Variants in SORCS3 observed in about 807,000 individuals in gnomAD.
SORCS3 encodes sortilin related VPS10 domain containing receptor 3.
In SORCS3, 57 loss-of-function variants were observed where a neutral mutation model predicts 146.3. That is an observed-to-expected ratio of 0.39 (90% CI 0.31 to 0.49). SORCS3 has a LOEUF of 0.49. SORCS3 is among the 20% of genes least tolerant of loss of function. The probability of loss-of-function intolerance (pLI) is 0.92; values close to 1 mark genes in which losing one functional copy is unlikely to be tolerated. For missense variants in SORCS3, 1,341 were observed against 1,575.5 expected (o/e 0.85, Z 2.52); for synonymous variants, 653 against 618.5 (o/e 1.06, Z -0.83).
At chr10:105,072,378 A>G (rs773092489) in intron 5 of SORCS3, among the ~76,000 whole-genome samples, 1 of 152,210 alleles carries the variant, frequency 6.6e-6, no homozygotes, top group Non-Finnish European at 1.5e-5. Context: ...CAGACTAGGC[A>G]GAATGACTCC....
chr10:105,142,940 A>T (rs1238949109), intron 8 of SORCS3, among the ~76,000 whole-genome samples: 1 of 152,120 alleles, frequency 6.6e-6, no homozygotes, highest in African/African-American at 2.4e-5. Context: ...TTGTTTCCTT[A>T]GTTTTTACAT....
Position 104,884,661 on chromosome 10 carries a change from G to A in SORCS3, c.696-31172G>A, listed in dbSNP as rs140955451. Among the ~76,000 whole-genome samples the A allele has an allele frequency of 3.3e-3, 506 of 152,116 alleles. 2 individuals carry two copies. The highest frequency in any genetic ancestry group is 0.018 in the South Asian group (87 of 4,820). ...AGGTTCCATTGGGTATAGGAAGGAG[G>A]TGACCTTTTTGAGAGGTAATTTGGG... On this transcript the variant is annotated intron_variant, in intron 2 of 26. Coordinates refer to ENST00000369701, the MANE Select transcript of SORCS3 (RefSeq NM_014978.3).
intron 1 of SORCS3, among the ~76,000 whole-genome samples, chr10:104,839,411 G>A (rs2018111793): frequency 6.6e-6 from 1 of 152,160 alleles, no homozygotes; most frequent in South Asian, 2.1e-4. Flanking sequence ...GAAAGGATGG[G>A]GCACAGGCAG....
chr10:104,863,844 G>A (rs562338769), intron 2 of SORCS3, among the ~76,000 whole-genome samples: 5 of 152,266 alleles, frequency 3.3e-5, no homozygotes, highest in African/African-American at 1.2e-4. Flanking sequence ...TTTGGAGTGA[G>A]GGCATGTGCT....
At chr10:105,081,981 G>C (rs939163973) in intron 5 of SORCS3, among the ~76,000 whole-genome samples, 1 of 152,116 alleles carries the variant, frequency 6.6e-6, no homozygotes, top group African/African-American at 2.4e-5. Flanking sequence ...TGCTTATGAA[G>C]TTTATCTAAC....
chr10:104,680,710 C>CAA (rs1413577521), intron 1 of SORCS3, among the ~76,000 whole-genome samples: 16 of 152,254 alleles, frequency 1.1e-4, no homozygotes, highest in African/African-American at 3.6e-4. Context: ...TGCCAAAATG[C>CAA]TGACACGCGT....
intron 4 of SORCS3, among the ~76,000 whole-genome samples, chr10:105,021,156 G>A (rs534508413): frequency 3.9e-5 from 6 of 152,278 alleles, no homozygotes; most frequent in Admixed American, 3.9e-4. Context: ...CTGAGGCTGG[G>A]TATTTTATTA....
At chr10:104,841,060 G>A (rs1020785785) in intron 1 of SORCS3, among the ~76,000 whole-genome samples, 2 of 152,188 alleles carry the variant, frequency 1.3e-5, no homozygotes, top group Non-Finnish European at 2.9e-5. Context: ...GTGTGTGTGT[G>A]TATGTGTGTG....
intron 3 of SORCS3, among the ~76,000 whole-genome samples, chr10:104,946,220 T>G (rs1485876070): frequency 2.0e-4 from 31 of 151,906 alleles, no homozygotes; most frequent in East Asian, 1.9e-4. Context: ...GTAAGGCTGT[T>G]TAAGACACCT....
intron 4 of SORCS3, among the ~76,000 whole-genome samples, chr10:105,038,567 G>A (rs2055320138): frequency 6.6e-6 from 1 of 152,016 alleles, no homozygotes; most frequent in Non-Finnish European, 1.5e-5. Flanking sequence ...AATAAAATGT[G>A]GGCTTAAGTT....
intron 4 of SORCS3, among the ~76,000 whole-genome samples, chr10:105,040,335 A>G (rs1363075975): frequency 1.3e-5 from 2 of 152,164 alleles, no homozygotes; most frequent in Admixed American, 1.3e-4. Context: ...AGATGGAAGG[A>G]CAGACAGACA....
At chr10:105,046,074 A>G (rs547490876) in intron 5 of SORCS3, among the ~76,000 whole-genome samples, 2 of 152,280 alleles carry the variant, frequency 1.3e-5, no homozygotes, top group African/African-American at 4.8e-5. Context: ...AATAACATGC[A>G]TGAAAATGAT....
intron 20 of SORCS3, among the ~76,000 whole-genome samples, chr10:105,232,709 T>A (rs1306923545): frequency 6.6e-6 from 1 of 151,834 alleles, no homozygotes; most frequent in Non-Finnish European, 1.5e-5. Flanking sequence ...ATCCCACAAA[T>A]GTTAGATTTG....
chr10:105,182,389 C>A (rs2056448672), intron 14 of SORCS3, among the ~76,000 whole-genome samples: 1 of 151,682 alleles, frequency 6.6e-6, no homozygotes, highest in Non-Finnish European at 1.5e-5. Flanking sequence ...CATAAAGAGG[C>A]AAAATAAGAG....
At chr10:105,254,370 C>A (rs1032418383) in intron 23 of SORCS3, among the ~76,000 whole-genome samples, 5 of 152,206 alleles carry the variant, frequency 3.3e-5, no homozygotes, top group African/African-American at 4.8e-5. Context: ...GATAAAAGAG[C>A]AGTGAATTAG....
intron 1 of SORCS3, among the ~76,000 whole-genome samples, chr10:104,717,795 G>A (rs1429495879): frequency 6.6e-6 from 1 of 152,130 alleles, no homozygotes; most frequent in East Asian, 1.9e-4. Flanking sequence ...TAGTCCATTT[G>A]GGCTGCTATA....
At chr10:104,860,099 G>T (rs1327348762) in intron 2 of SORCS3, among the ~76,000 whole-genome samples, 2 of 123,176 alleles carry the variant, frequency 1.6e-5, no homozygotes, top group Non-Finnish European at 3.4e-5. Context: ...AAATCATGCT[G>T]CTATAAAGAC....
At chr10:104,974,524 C>CT (rs953452660) in intron 3 of SORCS3, among the ~76,000 whole-genome samples, 5 of 152,002 alleles carry the variant, frequency 3.3e-5, no homozygotes, top group African/African-American at 1.2e-4. Flanking sequence ...CAACCCCTGC[C>CT]TTTTTTTGTT....
At chr10:104,670,123 C>A (rs1361319246) in intron 1 of SORCS3, among the ~76,000 whole-genome samples, 4 of 152,022 alleles carry the variant, frequency 2.6e-5, no homozygotes, top group African/African-American at 4.8e-5. Flanking sequence ...TGCATACCAA[C>A]CCCTTATCAG....
Sources: gnomAD v4.1 joint callset for allele counts (sites outside exome capture counted in the v4.1 genomes callset) on GRCh38, gnomAD v4.1.1 for gene constraint, MANE v1.5 for transcripts, NCBI Gene and HGNC (gene_info 2026-07-23, HGNC 2026-07-21) for gene names.